The following CYBRD1 variants were observed in gnomAD, a reference collection of about 807,000 sequenced individuals.
CYBRD1 encodes the protein plasma membrane ascorbate-dependent reductase CYBRD1.
Under a neutral mutation model 21.9 loss-of-function variants are expected in CYBRD1, and 14 were observed. That is an observed-to-expected ratio of 0.64 (90% CI 0.42 to 1.00). The LOEUF (loss-of-function observed/expected upper bound fraction) is 1.00. Among genes scored for constraint, CYBRD1 ranks in the 50% least tolerant of loss-of-function variants. CYBRD1 has a pLI of 0.00. For missense variants in CYBRD1, 328 were observed against 352.5 expected (o/e 0.93, Z 0.56); for synonymous variants, 146 against 136.5 (o/e 1.07, Z -0.48).
At chr2:171,549,279 T>A (rs1468687674) in intron 2 of CYBRD1, among the ~76,000 whole-genome samples, 2 of 152,168 alleles carry the variant, frequency 1.3e-5, no homozygotes, top group Non-Finnish European at 2.9e-5. Context: ...AGAAGGTGCT[T>A]CACCATGATG....
chr2:171,536,005 G>A lies in CYBRD1; in HGVS notation c.194-5580G>A, dbSNP rs115643490. Among the ~76,000 whole-genome samples the A allele has an allele frequency of 9.0e-3, 1,367 of 152,086 alleles. 20 individuals carry two copies. Among genetic ancestry groups the A allele is most frequent in the African/African-American group, 0.028 (1,146 of 41,484 alleles). On this transcript the variant is annotated intron_variant, in intron 1 of 3. Transcript: ENST00000321348. ...ATACATGCATAAAAGTACCTAAATC[G>A]GAAGGGATGTGTGTTTATCACATGC... is the stretch of plus-strand genomic sequence containing the variant.
Position 171,555,047 on chromosome 2 carries a change from G to A in CYBRD1, c.*220G>A. On this transcript the variant is annotated 3_prime_UTR_variant, in exon 4 of 4. Coordinates refer to ENST00000321348, the MANE Select transcript of CYBRD1 (RefSeq NM_024843.4). ...TAAATAATAGCAGATATAAATTGTG[G>A]TTATGTTACCTTTATCTTGTTGAGG... The A allele has an allele frequency of 1.7e-6, 1 of 585,848 alleles. No individual in the cohort carries two copies. The highest frequency in any genetic ancestry group is 2.0e-5 in the South Asian group (1 of 49,696). 36.3% of individuals were successfully genotyped at this position (585,848 alleles called of 1,614,324 possible). A position where few individuals can be genotyped will look rare whatever the true frequency, so the allele number is the denominator to read the frequency against.
Position 171,522,716 on chromosome 2 carries a change from C to T in CYBRD1, c.171C>T (p.Gly57=), listed in dbSNP as rs1697326656. The change falls in exon 1 of 4, where the codon GGC becomes GGT. Residue 57 remains glycine, a synonymous_variant. Transcript: ENST00000321348. The surrounding 1 kb of genome is among the most constrained non-coding windows in gnomAD (Gnocchi z 4.3). ...FNWHPVLMVT[G]FVFIQGIAII... The stretch of plus-strand genomic sequence containing the variant: ...GGCACCCAGTGCTCATGGTCACCGG[C>T]TTCGTCTTCATCCAGGGCATCGGTA... The T allele has an allele frequency of 1.2e-6, 2 of 1,613,508 alleles. No homozygotes were observed. The highest frequency in any genetic ancestry group is 1.3e-5 in the African/African-American group (1 of 75,022).
chr2:171,541,664 A>G lies in CYBRD1; in HGVS notation c.273A>G (p.Ala91=), dbSNP rs755473754. The change falls in exon 2 of 4, where the codon GCA becomes GCG. Residue 91 remains alanine (A), a synonymous_variant. Coordinates refer to ENST00000321348, the MANE Select transcript of CYBRD1 (RefSeq NM_024843.4). ...LMKSIHAGLN[A]VAAILAIISV... Reference sequence around the variant, plus strand: ...AATCCATCCATGCAGGGTTAAATGCAGTTGCTGCCATTCTTGCAATTATCT... The same window carrying G: ...AATCCATCCATGCAGGGTTAAATGCGGTTGCTGCCATTCTTGCAATTATCT... 25 of 1,613,714 alleles carry G rather than the reference A, an allele frequency of 1.5e-5. No individual in the cohort carries two copies. In the African/African-American group the frequency reaches 3.1e-4, roughly 20 times the overall value.
Position 171,522,477 on chromosome 2 carries a change from A to G in CYBRD1, c.-69A>G, listed in dbSNP as rs1294423737. The G allele has an allele frequency of 6.5e-7, 1 of 1,545,942 alleles. No individual in the cohort carries two copies. The highest frequency in any genetic ancestry group is 1.4e-5 in the African/African-American group (1 of 73,132). On this transcript the variant is annotated 5_prime_UTR_variant, in exon 1 of 4. Transcript: ENST00000321348. This position sits in a 1 kb window ranked among gnomAD's most constrained non-coding sequence, Gnocchi z 4.3. ...GACGCCCCGGTCCCGCCGCCCGGCC[A>G]CTACCCAGAGGGCTGCCGCCGCCTC... is the stretch of plus-strand genomic sequence containing the variant.
At chr2:171,523,176 G>A (rs960750) in intron 1 of CYBRD1, 205,699 of 348,160 alleles carry the variant, frequency 0.59, 62,397 homozygotes, top group East Asian at 0.85. Context: ...GAGCCTGCGC[G>A]ATCGGGGGCG....
rs780486795 is a variant in CYBRD1 at position 171,541,787 on chromosome 2, G to A, written c.396G>A (p.Leu132=). The A allele has an allele frequency of 1.0e-5, 16 of 1,600,832 alleles. No individual in the cohort carries two copies. The highest frequency in any genetic ancestry group is 1.1e-5 in the Non-Finnish European group (13 of 1,172,458). ...GACTGATAGCTGTCATATGCTATTT[G>A]TTACAGGTCAGTATTTCAGTGTATT... is the stretch of plus-strand genomic sequence containing the variant. ...WVGLIAVICY[L]LQLLSGFSVF... is the part of the protein sequence containing the mutation. Residue 132 remains leucine (L), a synonymous_variant, in exon 2 of 4, where the codon TTG becomes TTA. Transcript: ENST00000321348.
intron 2 of CYBRD1, among the ~76,000 whole-genome samples, chr2:171,543,628 A>T (rs1254330887): frequency 6.6e-6 from 1 of 152,220 alleles, no homozygotes; most frequent in East Asian, 1.9e-4. Context: ...AAGATGTTTA[A>T]TTAAATAATA....
At chr2:171,544,795 T>C (rs927569896) in intron 2 of CYBRD1, among the ~76,000 whole-genome samples, 8 of 152,148 alleles carry the variant, frequency 5.3e-5, no homozygotes, top group African/African-American at 1.9e-4. Context: ...TACTGAAGTA[T>C]GTAGAAGTGT....
intron 2 of CYBRD1, among the ~76,000 whole-genome samples, chr2:171,542,852 G>C (rs1176912872): frequency 6.6e-6 from 1 of 152,116 alleles, no homozygotes; most frequent in African/African-American, 2.4e-5. Flanking sequence ...TTGCACTCCA[G>C]CCTGGGCAAC....
At chr2:171,541,861 CTT>C (rs57998592) in intron 2 of CYBRD1, 68 bp downstream of exon 2, 40,583 of 709,518 alleles carry the variant, frequency 0.057, no homozygotes, top group East Asian at 0.1. Context: ...GTTTTCTTTT[CTT>C]TTTTTTTTTT....
intron 1 of CYBRD1, among the ~76,000 whole-genome samples, chr2:171,526,230 G>A (rs1697383912): frequency 6.6e-6 from 1 of 152,084 alleles, no homozygotes; most frequent in Non-Finnish European, 1.5e-5. Context: ...TTGTGCCACT[G>A]CACTGTAGCC....
chr2:171,522,947 G>T lies in CYBRD1; in HGVS notation c.193+209G>T. The stretch of plus-strand genomic sequence containing the variant: ...GCGGGACAGAGCTGCGGTTCAGGAG[G>T]ATCGCCGCGAGCGCGGGGCCGGGGG... On this transcript the variant is annotated intron_variant, in intron 1 of 3. Coordinates refer to ENST00000321348, the MANE Select transcript of CYBRD1 (RefSeq NM_024843.4). The surrounding 1 kb of genome is among the most constrained non-coding windows in gnomAD (Gnocchi z 4.3). 1.3e-6 allele frequency: 1 copy of T among 755,450 alleles called. No individual in the cohort carries two copies. The highest frequency in any genetic ancestry group is 2.0e-5 in the South Asian group (1 of 50,810). 46.8% of individuals were successfully genotyped at this position (755,450 alleles called of 1,614,324 possible).
upstream of CYBRD1, chr2:171,522,270 T>C: frequency 6.5e-7 from 1 of 1,549,136 alleles, no homozygotes; most frequent in East Asian, 2.4e-5. The surrounding 1 kb of genome is among the most constrained non-coding windows in gnomAD (Gnocchi z 4.3). Flanking sequence ...TCTGCGAGCT[T>C]GGATGCTGGA....
intron 1 of CYBRD1, among the ~76,000 whole-genome samples, chr2:171,538,911 C>T (rs1399549599): frequency 6.6e-6 from 1 of 152,118 alleles, no homozygotes; most frequent in Non-Finnish European, 1.5e-5. Context: ...GATTCTCCTG[C>T]CTCAGCCTCC....
At chr2:171,525,986 G>A (rs1295650933) in intron 1 of CYBRD1, among the ~76,000 whole-genome samples, 1 of 146,360 alleles carries the variant, frequency 6.8e-6, no homozygotes, top group African/African-American at 2.5e-5. Context: ...GTAGGCTCTG[G>A]CCGGGCACGG....
In CYBRD1 at chr2:171,556,887, G is replaced by A. The variant is rs969832189; in HGVS notation, c.*2060G>A. The A allele has an allele frequency of 1.3e-5, 2 of 152,484 alleles. No individual in the cohort carries two copies. The highest frequency in any genetic ancestry group is 2.1e-4 in the South Asian group (1 of 4,826). The allele number at this position is 152,484 out of a possible 1,614,324, so 9.4% of individuals were successfully genotyped here. On this transcript the variant is annotated 3_prime_UTR_variant, in exon 4 of 4. Transcript: ENST00000321348. ...TTACATAGAGGAACACAAAATTCCA[G>A]GGTTTTTGGAGGAAGGGATTAGATA...
chr2:171,524,394 T>TAG (rs1421899268), intron 1 of CYBRD1, among the ~76,000 whole-genome samples: 2 of 152,136 alleles, frequency 1.3e-5, no homozygotes, highest in Admixed American at 1.3e-4. Flanking sequence ...GCTCAAAGAG[T>TAG]AGAGCCAGTC....
intron 2 of CYBRD1, among the ~76,000 whole-genome samples, chr2:171,546,042 G>A (rs536924017): frequency 2.6e-5 from 4 of 152,152 alleles, no homozygotes; most frequent in Admixed American, 6.5e-5. Flanking sequence ...TTCATATCTC[G>A]CGTTGTTGTC....
Sources: gnomAD v4.1 joint callset for allele counts (sites outside exome capture counted in the v4.1 genomes callset) on GRCh38, gnomAD v4.1.1 for gene constraint, Gnocchi (gnomAD v3.1) non-coding constraint, MANE v1.5 for transcripts, NCBI Gene and HGNC (gene_info 2026-07-23, HGNC 2026-07-21) for gene names.